ALB: variants seen among roughly 807,000 people sequenced by gnomAD.
ALB encodes the protein albumin.
In ALB, 37 loss-of-function variants were observed where a neutral mutation model predicts 74.5. That is an observed-to-expected ratio of 0.50 (90% CI 0.38 to 0.65). The LOEUF (loss-of-function observed/expected upper bound fraction) is 0.65. Among genes scored for constraint, ALB ranks in the 30% least tolerant of loss-of-function variants. The pLI, the probability that ALB is intolerant of heterozygous loss-of-function variation, is 0.00. For synonymous variants in ALB, 249 were observed against 251.6 expected (o/e 0.99, Z 0.10); for missense variants, 685 against 718.7 (o/e 0.95, Z 0.54).
intron 4 of ALB, 77 bp from the exon 5 acceptor site, chr4:73,409,278 G>A: frequency 6.6e-7 from 1 of 1,506,432 alleles, no homozygotes. Context: ...GAGGTTCTGG[G>A]GAGAATGTCG....
intron 7 of ALB, 115 bp downstream of exon 7, chr4:73,412,240 C>T (rs1333437925): frequency 2.3e-6 from 3 of 1,304,570 alleles, no homozygotes; most frequent in East Asian, 2.3e-5. Flanking sequence ...TCTGTGCTTT[C>T]GTCTGTCCTA....
intron 2 of ALB, among the ~76,000 whole-genome samples, chr4:73,405,691 C>T (rs896548785): frequency 6.6e-6 from 1 of 151,728 alleles, no homozygotes; most frequent in Non-Finnish European, 1.5e-5. Context: ...CCCGGGTTCA[C>T]GCCATTCTCC....
intron 14 of ALB, 37 bp downstream of exon 14, chr4:73,420,358 A>T: frequency 7.5e-7 from 1 of 1,341,198 alleles, no homozygotes; most frequent in South Asian, 1.3e-5. Context: ...AAGTAACTAT[A>T]ATAGTTATTA....
intron 8 of ALB, among the ~76,000 whole-genome samples, chr4:73,414,765 A>G (rs1005839164): frequency 6.6e-6 from 1 of 152,100 alleles, no homozygotes; most frequent in Non-Finnish European, 1.5e-5. Flanking sequence ...GACAGATACT[A>G]TTATTATTTC....
chr4:73,417,460 T>C lies in ALB; in HGVS notation c.1290-71T>C, dbSNP rs1577941251. 14 of 1,560,984 alleles carry C rather than the reference T, an allele frequency of 9.0e-6. No individual in the cohort carries two copies. In the Middle Eastern group the frequency reaches 1.8e-3, roughly 206 times the overall value. ...AACATCTTAGTTGATTCCGGCCAAG[T>C]GTTCTCTGTTTTATCTACTATGTTA... On this transcript the variant is annotated intron_variant, in intron 10 of 14. Coordinates refer to ENST00000295897, the MANE Select transcript of ALB (RefSeq NM_000477.7).
At chr4:73,420,078 T>C (rs1427607347) in intron 13 of ALB, among the ~76,000 whole-genome samples, 176 bp from the exon 14 acceptor site, 1 of 152,172 alleles carries the variant, frequency 6.6e-6, no homozygotes, top group Non-Finnish European at 1.5e-5. Flanking sequence ...TTTTATTCAT[T>C]TGGGGACAAC....
rs766115481 is a variant in ALB at position 73,404,403 on chromosome 4, G to A, written c.76G>A (p.Ala26Thr). Residue 26 changes from alanine to threonine, a missense_variant, in exon 1 of 15, where the codon GCA becomes ACA. Transcript: ENST00000295897. ...TTCCAGGGGTGTGTTTCGTCGAGAT[G>A]CACGTAAGAAATCCATTTTTCTATT... ...AYSRGVFRRDAHKSEVAHRFK... is the reference protein window; with the variant it reads ...AYSRGVFRRDTHKSEVAHRFK... 1 of 1,610,852 alleles carries A rather than the reference G, an allele frequency of 6.2e-7. No individual in the cohort carries two copies.
intron 14 of ALB, 176 bp from the exon 15 acceptor site, chr4:73,420,916 C>A: frequency 2.0e-6 from 1 of 500,682 alleles, no homozygotes; most frequent in Non-Finnish European, 3.5e-6. Flanking sequence ...TGGTGTGTCC[C>A]CTTGCCTAGC....
intron 2 of ALB, among the ~76,000 whole-genome samples, chr4:73,405,684 G>A (rs866338114): frequency 4.0e-4 from 61 of 151,852 alleles, no homozygotes; most frequent in African/African-American, 1.4e-3. Context: ...TCCGCCTCCC[G>A]GGTTCACGCC....
In ALB at chr4:73,419,568, A is replaced by G. The variant is rs1296937568; in HGVS notation, c.1714A>G (p.Met572Val). The change falls in exon 13 of 15, where the codon ATG (methionine) becomes GTG (valine). Residue 572 changes from methionine (M) to valine (V), a missense_variant. Coordinates refer to ENST00000295897, the MANE Select transcript of ALB (RefSeq NM_000477.7). The part of the protein sequence containing the change: ...KATKEQLKAV[M>V]DDFAAFVEKC... ...AACAAAAGAGCAACTGAAAGCTGTT[A>G]TGGATGATTTCGCAGCTTTTGTAGA... 1.9e-6 allele frequency: 3 copies of G among 1,613,660 alleles called. No individual in the cohort carries two copies. Among genetic ancestry groups the G allele is most frequent in the Admixed American group, 1.7e-5 (1 of 59,944 alleles).
Position 73,418,202 on chromosome 4 carries a change from C to T in ALB, c.1543C>T (p.Leu515=), listed in dbSNP as rs2149329577. 2 of 1,614,154 alleles carry T rather than the reference C, an allele frequency of 1.2e-6. No homozygotes were observed. Among genetic ancestry groups the T allele is most frequent in the Non-Finnish European group, 1.7e-6 (2 of 1,180,004 alleles). ...LVNRRPCFSA[L]EVDETYVPKE... is the part of the protein sequence containing the mutation. ...GAACAGGCGACCATGCTTTTCAGCT[C>T]TGGAAGTCGATGAAACATACGTTCC... Residue 515 remains leucine (L), a synonymous_variant, in exon 12 of 15, where the codon CTG becomes TTG. Transcript: ENST00000295897.
In ALB at chr4:73,408,693, G is replaced by A; in HGVS notation, c.370G>A (p.Glu124Lys). 1 of 1,614,036 alleles carries A rather than the reference G, an allele frequency of 6.2e-7. No homozygotes were observed. The highest frequency in any genetic ancestry group is 8.5e-7 in the Non-Finnish European group (1 of 1,179,928). The change falls in exon 4 of 15, where the codon GAA (glutamate) becomes AAA (lysine). Residue 124 changes from glutamate to lysine, a missense_variant. Transcript: ENST00000295897. ...CCAKQEPERN[E>K]CFLQHKDDNP... The stretch of plus-strand genomic sequence containing the variant: ...TGCAAAACAAGAACCTGAGAGAAAT[G>A]AATGCTTCTTGCAACACAAAGATGA...
intron 6 of ALB, among the ~76,000 whole-genome samples, chr4:73,411,286 A>G (rs746232386): frequency 6.6e-6 from 1 of 152,202 alleles, no homozygotes; most frequent in African/African-American, 2.4e-5. Context: ...TAAACAGGCT[A>G]TGATTGGTTT....
intron 14 of ALB, chr4:73,420,770 TC>T: frequency 3.2e-6 from 1 of 309,794 alleles, no homozygotes; most frequent in Non-Finnish European, 5.9e-6. Context: ...ACCTAATAGT[TC>T]AACTCATCCT....
chr4:73,418,456 C>T lies in ALB; in HGVS notation c.1652+145C>T, dbSNP rs1206093505. On this transcript the variant is annotated intron_variant, in intron 12 of 14. Transcript: ENST00000295897. Reference sequence around the variant, plus strand: ...TGCCCTTATTATGCTGATAAGAGTACCCAGAATAAAATGAATAACTTTTTA... The same window carrying T: ...TGCCCTTATTATGCTGATAAGAGTATCCAGAATAAAATGAATAACTTTTTA... 4.1e-6 allele frequency: 3 copies of T among 731,306 alleles called. No homozygotes were observed. The Admixed American group carries it at 6.9e-5, about 17-fold the overall frequency. The allele number at this position is 731,306 out of a possible 1,614,324, so 45.3% of individuals were successfully genotyped here.
intron 1 of ALB, 118 bp from the exon 2 acceptor site, chr4:73,404,998 C>A: frequency 1.1e-6 from 1 of 923,312 alleles, no homozygotes; most frequent in South Asian, 1.5e-5. Flanking sequence ...GAATCAGAGC[C>A]CAATATTTTG....
At chr4:73,404,635 G>A (rs886317196) in intron 1 of ALB, among the ~76,000 whole-genome samples, 6 of 150,642 alleles carry the variant, frequency 4.0e-5, no homozygotes, top group Non-Finnish European at 5.9e-5. Context: ...TTTCTTTTGC[G>A]CACTAAGGAA....
chr4:73,413,368 A>G (rs1718926574), intron 7 of ALB, 52 bp from the exon 8 acceptor site: 1 of 1,491,818 alleles, frequency 6.7e-7, no homozygotes, highest in African/African-American at 1.4e-5. Flanking sequence ...TCTGAGGAGA[A>G]AGTGTAGCAA....
chr4:73,417,765 G>A, intron 11 of ALB, 96 bp downstream of exon 11: 1 of 1,181,870 alleles, frequency 8.5e-7, no homozygotes, highest in Non-Finnish European at 1.2e-6. Flanking sequence ...GAAGTAATGT[G>A]TGTGTGTGCA....
Sources: gnomAD v4.1 joint callset for allele counts (sites outside exome capture counted in the v4.1 genomes callset) on GRCh38, gnomAD v4.1.1 for gene constraint, MANE v1.5 for transcripts, NCBI Gene and HGNC (gene_info 2026-07-23, HGNC 2026-07-21) for gene names.